The following EXD3 variants were observed in gnomAD, a reference collection of about 807,000 sequenced individuals.
The protein encoded by EXD3 is exonuclease mut-7 homolog.
Under a neutral mutation model 98.0 loss-of-function variants are expected in EXD3, and 92 were observed. The observed-to-expected ratio is 0.94, with a 90% CI of 0.79 to 1.12. EXD3 has a LOEUF of 1.12. EXD3 is among the 50% of genes most tolerant of loss of function. EXD3 has a pLI of 0.00. For missense variants in EXD3, 1,222 were observed against 1,191.6 expected, an observed-to-expected ratio of 1.03 and a Z score of -0.38; for synonymous variants, 569 against 526.0, an observed-to-expected ratio of 1.08 and a Z score of -1.12.
At chr9:137,331,854 T>C (rs1833078985) in intron 17 of EXD3, among the ~76,000 whole-genome samples, 1 of 152,056 alleles carries the variant, frequency 6.6e-6, no homozygotes, top group East Asian at 1.9e-4. Flanking sequence ...AGGTGGATGT[T>C]GCAGTGAGCC....
At position 137,405,767 on chromosome 9, in the gene EXD3, TCTC is replaced by T. The variant is rs1404696360; in HGVS notation, c.-47-10366_-47-10364del. 1.3e-5 allele frequency among the ~76,000 whole-genome samples: 2 copies of T among 152,180 alleles called. No homozygotes were observed. Among genetic ancestry groups the T allele is most frequent in the Non-Finnish European group, 2.9e-5 (2 of 68,024 alleles). On this transcript the variant is annotated intron_variant, in intron 1 of 21. Transcript: ENST00000340951. The surrounding 1 kb of genome is among the most constrained non-coding windows in gnomAD (Gnocchi z 4.1). ...AGCCTGACTCAGCATGAGCCTGGCT[TCTC>T]CTGCCGGCCGGCACAGGGGTGGGTA...
intron 17 of EXD3, among the ~76,000 whole-genome samples, chr9:137,337,112 T>C (rs1036754559): frequency 1.3e-5 from 2 of 152,152 alleles, no homozygotes; most frequent in African/African-American, 4.8e-5. Flanking sequence ...TAATGTTAGT[T>C]AAAATATATT....
intron 17 of EXD3, among the ~76,000 whole-genome samples, chr9:137,333,681 T>G (rs1174141871): frequency 6.6e-6 from 1 of 152,158 alleles, no homozygotes; most frequent in African/African-American, 2.4e-5. Flanking sequence ...CCATGTGACA[T>G]GCAAACTCTT....
chr9:137,417,358 C>T (rs1327769162), intron 1 of EXD3, among the ~76,000 whole-genome samples: 1 of 152,238 alleles, frequency 6.6e-6, no homozygotes, highest in African/African-American at 2.4e-5. Flanking sequence ...AGCGAGCGCG[C>T]CCGCAGAGGC....
chr9:137,382,189 C>CGCGCGGAGGAGGTGAGGGCGCGG (rs1477524713), intron 3 of EXD3, among the ~76,000 whole-genome samples: 3 of 33,848 alleles, frequency 8.9e-5, no homozygotes, highest in African/African-American at 5.1e-4. Flanking sequence ...TGAGGGCGCG[C>CGCGCGGAGGAGGTGAGGGCGCGG]GGAGGAGGTG....
intron 19 of EXD3, among the ~76,000 whole-genome samples, chr9:137,316,298 G>A (rs992040907): frequency 6.6e-6 from 1 of 151,864 alleles, no homozygotes; most frequent in Non-Finnish European, 1.5e-5. Context: ...GCTAACGGCC[G>A]CCCGCCCGCG....
chr9:137,379,527 C>A (rs1354710114), intron 3 of EXD3, among the ~76,000 whole-genome samples: 3 of 151,034 alleles, frequency 2.0e-5, no homozygotes, highest in Non-Finnish European at 4.4e-5. Context: ...GGGAATGGGG[C>A]GTCTGTGTGA....
chr9:137,379,864 C>T (rs956917390), intron 3 of EXD3, among the ~76,000 whole-genome samples: 6 of 152,018 alleles, frequency 3.9e-5, no homozygotes, highest in African/African-American at 1.2e-4. Context: ...AAATCCTGGC[C>T]CTCCAGACCC....
chr9:137,316,441 G>C (rs1200906747), intron 19 of EXD3, among the ~76,000 whole-genome samples: 1 of 152,092 alleles, frequency 6.6e-6, no homozygotes, highest in Non-Finnish European at 1.5e-5. Context: ...CCGCAGAGGG[G>C]GGTAGCCCGC....
At chr9:137,390,088 C>T (rs1172406442) in intron 2 of EXD3, among the ~76,000 whole-genome samples, 3 of 136,778 alleles carry the variant, frequency 2.2e-5, no homozygotes, top group African/African-American at 8.6e-5. Context: ...CGACATTGCA[C>T]TCCGGCCTGG....
intron 19 of EXD3, among the ~76,000 whole-genome samples, chr9:137,311,582 T>G (rs1452258435): frequency 6.6e-6 from 1 of 152,124 alleles, no homozygotes; most frequent in Non-Finnish European, 1.5e-5. Context: ...CCGGGTGCCG[T>G]CAGTGAGGGC....
At position 137,409,318 on chromosome 9, in the gene EXD3, G is replaced by A. The variant is rs181977508; in HGVS notation, c.-48+13796C>T. 2.6e-5 allele frequency among the ~76,000 whole-genome samples: 4 copies of A among 152,346 alleles called. No individual in the cohort carries two copies. In the East Asian group the frequency reaches 5.8e-4, roughly 22 times the overall value. On this transcript the variant is annotated intron_variant, in intron 1 of 21. Transcript: ENST00000340951. The stretch of plus-strand genomic sequence containing the variant: ...CATTCAGAATCCCGCCAGCATGAAC[G>A]CCTCCTCGGATGCTCCCCTCACCCT...
rs1311087979 is a variant in EXD3, at chr9:137,393,363, G to A, written c.55+1940C>T. The A allele has an allele frequency of 1.1e-5, 7 of 657,788 alleles. No individual in the cohort carries two copies. The highest frequency in any genetic ancestry group is 1.7e-5 in the Non-Finnish European group (6 of 361,402). 40.7% of individuals were successfully genotyped at this position (657,788 alleles called of 1,614,324 possible). On this transcript the variant is annotated intron_variant, in intron 2 of 21. Coordinates refer to ENST00000340951, the MANE Select transcript of EXD3 (RefSeq NM_017820.5). The surrounding 1 kb of genome is among the most constrained non-coding windows in gnomAD (Gnocchi z 4.6). ...CACAGGTGCAGGCCCGGGGCCCGCAGATGGCCTCAGAGGAGGCGGTGGATG... is the reference window on the plus strand; with the variant it reads ...CACAGGTGCAGGCCCGGGGCCCGCAAATGGCCTCAGAGGAGGCGGTGGATG...
intron 19 of EXD3, among the ~76,000 whole-genome samples, chr9:137,309,959 C>T (rs1831276474): frequency 6.6e-6 from 1 of 152,224 alleles, no homozygotes; most frequent in African/African-American, 2.4e-5. Flanking sequence ...GGACTCTCTG[C>T]CCAGCTGCCC....
intron 14 of EXD3, among the ~76,000 whole-genome samples, chr9:137,350,085 G>C (rs546658171): frequency 2.5e-5 from 2 of 80,758 alleles, no homozygotes; most frequent in Admixed American, 1.1e-4. Flanking sequence ...ATCACGAGGA[G>C]GGGCTAGATA....
Position 137,405,958 on chromosome 9 carries a change from G to A in EXD3, c.-47-10554C>T, listed in dbSNP as rs535136471. On this transcript the variant is annotated intron_variant, in intron 1 of 21. Transcript: ENST00000340951. The surrounding 1 kb of genome is among the most constrained non-coding windows in gnomAD (Gnocchi z 4.1). ...AAACTGGCTGGGCACGGTGGCTCAC[G>A]CCTGTAATCCCAGCCTTGTGGGAGG... is the stretch of plus-strand genomic sequence containing the variant. Among the ~76,000 whole-genome samples the A allele has an allele frequency of 2.6e-5, 4 of 152,306 alleles. No homozygotes were observed. Among genetic ancestry groups the A allele is most frequent in the South Asian group, 2.1e-4 (1 of 4,832 alleles).
rs1346789236 is a variant in EXD3, at chr9:137,407,115, C to G, written c.-47-11711G>C. On this transcript the variant is annotated intron_variant, in intron 1 of 21. Transcript: ENST00000340951. The surrounding 1 kb of genome is among the most constrained non-coding windows in gnomAD (Gnocchi z 4.4). The stretch of plus-strand genomic sequence containing the variant: ...GGGGGCGGCCTGCGGAGCAGCCAGT[C>G]CCGGGCACCCCACGCCGACCGCCGC... 1.3e-5 allele frequency among the ~76,000 whole-genome samples: 2 copies of G among 152,130 alleles called. No individual in the cohort carries two copies. Among genetic ancestry groups the G allele is most frequent in the Non-Finnish European group, 2.9e-5 (2 of 68,008 alleles).
At chr9:137,374,719 A>G in intron 3 of EXD3, 4 of 985,552 alleles carry the variant, frequency 4.1e-6, no homozygotes, top group Non-Finnish European at 4.8e-6. Flanking sequence ...CCTCGGGGAA[A>G]GTGGCCAGAC....
Position 137,414,889 on chromosome 9 carries a change from G to A in EXD3, c.-48+8225C>T, listed in dbSNP as rs567352450. Among the ~76,000 whole-genome samples, 88 of 152,202 alleles carry A rather than the reference G, an allele frequency of 5.8e-4. No individual in the cohort carries two copies. The Middle Eastern group carries it at 0.014, about 24-fold the overall frequency. On this transcript the variant is annotated intron_variant, in intron 1 of 21. Transcript: ENST00000340951. ...TTTTATGTTTTTGAGATGGAGTCTC[G>A]CTCTGTTGTCCAGGCTGAGACGGAA...
Sources: gnomAD v4.1 joint callset for allele counts (sites outside exome capture counted in the v4.1 genomes callset) on GRCh38, gnomAD v4.1.1 for gene constraint, Gnocchi (gnomAD v3.1) non-coding constraint, MANE v1.5 for transcripts, NCBI Gene and HGNC (gene_info 2026-07-23, HGNC 2026-07-21) for gene names.